Variants in AKAP6 observed in about 807,000 individuals in gnomAD.
The protein encoded by AKAP6 is A-kinase anchoring protein 6.
AKAP6 carries 58 observed loss-of-function variants against 188.5 expected under a neutral mutation model. The observed-to-expected ratio is 0.31, with a 90% CI of 0.25 to 0.38. The LOEUF is 0.38. AKAP6 is among the 10% of genes least tolerant of loss of function. The pLI, the probability that AKAP6 is intolerant of heterozygous loss-of-function variation, is 1.00. For missense variants in AKAP6, 2,710 were observed against 2,740.0 expected (o/e 0.99, Z 0.24); for synonymous variants, 989 against 998.6 (o/e 0.99, Z 0.18).
At chr14:32,644,452 C>T (rs1376373102) in intron 7 of AKAP6, among the ~76,000 whole-genome samples, 1 of 152,126 alleles carries the variant, frequency 6.6e-6, no homozygotes, top group Non-Finnish European at 1.5e-5. Flanking sequence ...TAACATGGTG[C>T]TGGTTTCTTG....
chr14:32,672,605 T>C (rs1443810668), intron 7 of AKAP6, among the ~76,000 whole-genome samples: 2 of 152,210 alleles, frequency 1.3e-5, no homozygotes, highest in Admixed American at 1.3e-4. Flanking sequence ...TTAACCTTTA[T>C]TGCCTTCTTA....
intron 7 of AKAP6, among the ~76,000 whole-genome samples, chr14:32,650,302 C>A (rs115356490): frequency 6.6e-6 from 1 of 152,094 alleles, no homozygotes; most frequent in Admixed American, 6.6e-5. Flanking sequence ...CATACCAGTG[C>A]GGCATTCTGA....
chr14:32,622,209 A>T (rs1886841393), intron 7 of AKAP6, among the ~76,000 whole-genome samples: 1 of 152,154 alleles, frequency 6.6e-6, no homozygotes, highest in Non-Finnish European at 1.5e-5. Flanking sequence ...TGTCACCAAT[A>T]TTTTTAAATA....
intron 2 of AKAP6, among the ~76,000 whole-genome samples, chr14:32,487,352 T>C (rs1240479883): frequency 6.6e-6 from 1 of 152,064 alleles, no homozygotes; most frequent in African/African-American, 2.4e-5. Context: ...TATGGAGGAG[T>C]CCCTCTTTTT....
intron 2 of AKAP6, among the ~76,000 whole-genome samples, chr14:32,516,735 C>T (rs1029152435): frequency 2.8e-4 from 43 of 152,108 alleles, no homozygotes; most frequent in African/African-American, 1.0e-3. Context: ...TTGGATATAT[C>T]AATTGTGAAC....
chr14:32,755,539 A>AT (rs2032298886), intron 11 of AKAP6, among the ~76,000 whole-genome samples: 2 of 146,236 alleles, frequency 1.4e-5, no homozygotes, highest in East Asian at 3.9e-4. Context: ...TATTATTATT[A>AT]ATTTTTGAGA....
chr14:32,822,162 C>G lies in AKAP6; in HGVS notation c.4349C>G (p.Thr1450Ser), dbSNP rs367910480. The change falls in exon 13 of 14, where the codon ACC becomes AGC. Residue 1450 changes from threonine to serine, a missense_variant. Physicochemically the swap from Thr to Ser is moderately conservative, Grantham distance 58 (BLOSUM62 1). Transcript: ENST00000280979. ...VGDLNSITKH[T>S]PDCLGEELQG... ...GATTTAAACAGTATTACCAAACATACCCCTGACTGTTTGGGAGAAGAATTA... is the reference window on the plus strand; with the variant it reads ...GATTTAAACAGTATTACCAAACATAGCCCTGACTGTTTGGGAGAAGAATTA... 1 of 1,613,836 alleles carries G rather than the reference C, an allele frequency of 6.2e-7. No homozygotes were observed.
chr14:32,356,888 G>A (rs945963854), intron 1 of AKAP6, among the ~76,000 whole-genome samples: 1 of 151,848 alleles, frequency 6.6e-6, no homozygotes, highest in African/African-American at 2.4e-5. Flanking sequence ...CTGTCTCCTG[G>A]GGAAACTTCT....
chr14:32,567,720 C>G (rs756811818), intron 4 of AKAP6, among the ~76,000 whole-genome samples: 21 of 152,116 alleles, frequency 1.4e-4, no homozygotes, highest in South Asian at 8.3e-4. Context: ...ATTTGATGTG[C>G]AAGAGTTCTT....
At chr14:32,483,554 G>A (rs1312603079) in intron 2 of AKAP6, among the ~76,000 whole-genome samples, 3 of 151,912 alleles carry the variant, frequency 2.0e-5, no homozygotes, top group Admixed American at 6.6e-5. Flanking sequence ...GCATGATCTC[G>A]GCTCACTGCA....
At chr14:32,783,600 G>A (rs551471437) in intron 12 of AKAP6, among the ~76,000 whole-genome samples, 36 of 152,178 alleles carry the variant, frequency 2.4e-4, no homozygotes, top group Non-Finnish European at 4.9e-4. Context: ...ATGAAAATGG[G>A]CATTCCTTTT....
chr14:32,614,655 T>A (rs1166692690), intron 7 of AKAP6, among the ~76,000 whole-genome samples: 1 of 152,154 alleles, frequency 6.6e-6, no homozygotes, highest in Admixed American at 6.5e-5. Flanking sequence ...GCCATTTTCC[T>A]CCTTTGTCCT....
intron 2 of AKAP6, chr14:32,494,925 T>C (rs1270743461): frequency 6.6e-6 from 1 of 152,156 alleles, no homozygotes; most frequent in East Asian, 1.9e-4. Context: ...GATTGTAAGC[T>C]TTACATGTGA....
intron 7 of AKAP6, among the ~76,000 whole-genome samples, chr14:32,619,375 A>T (rs1594787210): frequency 6.6e-6 from 1 of 152,208 alleles, no homozygotes; most frequent in East Asian, 1.9e-4. Flanking sequence ...AGAGTTAAGG[A>T]TCCAGTTTCA....
Position 32,696,055 on chromosome 14 carries a change from T to A in AKAP6, c.2945T>A (p.Val982Glu). ...WDWLIDMESL[V>E]MDSHDLMMSE... The stretch of plus-strand genomic sequence containing the variant: ...TGGCTGATTGACATGGAGTCCCTTG[T>A]GATGGACAGCCACGACCTGATGATG... Residue 982 changes from valine to glutamate, a missense_variant, in exon 9 of 14, where the codon GTG becomes GAG. Physicochemically the swap from Val to Glu is moderately radical, Grantham distance 121. Transcript: ENST00000280979. The A allele has an allele frequency of 5.0e-6, 8 of 1,613,150 alleles. No homozygotes were observed. In the South Asian group the frequency reaches 8.8e-5, roughly 18 times the overall value.
intron 2 of AKAP6, among the ~76,000 whole-genome samples, chr14:32,474,955 T>A (rs61982968): frequency 0.27 from 41,423 of 151,830 alleles, 6,081 homozygotes; most frequent in Non-Finnish European, 0.32. Flanking sequence ...TGTAGCACAT[T>A]TGTTCTCAGT....
chr14:32,591,489 CA>C (rs1885483981), intron 5 of AKAP6, among the ~76,000 whole-genome samples: 1 of 129,032 alleles, frequency 7.8e-6, no homozygotes, highest in Non-Finnish European at 1.7e-5. Context: ...AAAAAAAAAG[CA>C]ACTGTTTGTT....
intron 1 of AKAP6, among the ~76,000 whole-genome samples, chr14:32,332,326 A>C (rs1288111079): frequency 6.6e-6 from 1 of 151,884 alleles, no homozygotes; most frequent in Non-Finnish European, 1.5e-5. Context: ...ACCCCTCCTC[A>C]TTCTAATTGG....
chr14:32,729,605 A>G (rs1435028789), intron 9 of AKAP6, among the ~76,000 whole-genome samples: 1 of 152,100 alleles, frequency 6.6e-6, no homozygotes, highest in Non-Finnish European at 1.5e-5. Flanking sequence ...AATTTAGATC[A>G]TTCACATATC....
Sources: allele counts gnomAD v4.1 joint callset (sites outside exome capture counted in the v4.1 genomes callset), GRCh38; gene constraint gnomAD v4.1.1; transcripts MANE v1.5; gene names NCBI Gene and HGNC (gene_info 2026-07-23, HGNC 2026-07-21).